The following LMO7 variants were observed in gnomAD, a reference collection of about 807,000 sequenced individuals.
LMO7 encodes the protein LIM domain 7, also known as LIM domain only protein 7.
In LMO7, 120 loss-of-function variants were observed where a neutral mutation model predicts 206.5. The observed-to-expected ratio is 0.58, with a 90% CI of 0.50 to 0.68. LMO7 has a LOEUF of 0.68. LMO7 is among the 30% of genes least tolerant of loss of function. The pLI is 0.00. For missense variants in LMO7, 1,959 were observed against 1,957.9 expected (o/e 1.00, Z -0.01); for synonymous variants, 706 against 681.5 (o/e 1.04, Z -0.56).
chr13:75,636,260 G>A (rs1397605019), upstream of LMO7: 1 of 1,029,904 alleles, frequency 9.7e-7, no homozygotes, highest in Non-Finnish European at 1.2e-6. Flanking sequence ...GGCCCCGGGA[G>A]GGCGGTGGGG....
At chr13:75,784,176 C>T (rs192068598) in intron 4 of LMO7, among the ~76,000 whole-genome samples, 33 of 152,160 alleles carry the variant, frequency 2.2e-4, no homozygotes, top group Middle Eastern at 6.8e-3. Context: ...AGTTTCCCCC[C>T]GAAGCAGAGA....
intron 16 of LMO7, among the ~76,000 whole-genome samples, chr13:75,833,703 T>C (rs1243678515): frequency 6.6e-6 from 1 of 152,116 alleles, no homozygotes; most frequent in Non-Finnish European, 1.5e-5. Flanking sequence ...GTTCCTTTAT[T>C]TTTACTTTTA....
At chr13:75,773,142 A>G (rs191691270) in intron 4 of LMO7, among the ~76,000 whole-genome samples, 2 of 152,246 alleles carry the variant, frequency 1.3e-5, no homozygotes, top group African/African-American at 4.8e-5. Context: ...CAAATCAAAC[A>G]TTTCACAGAG....
chr13:75,749,103 CAGTG>C (rs2047083537), intron 3 of LMO7, among the ~76,000 whole-genome samples: 1 of 152,114 alleles, frequency 6.6e-6, no homozygotes. Flanking sequence ...CCTCATAAAA[CAGTG>C]AGTCCCTGGG....
intron 8 of LMO7, chr13:75,805,006 T>C: frequency 1.0e-6 from 1 of 999,902 alleles, no homozygotes; most frequent in Non-Finnish European, 1.2e-6. Context: ...TTTCCTGACA[T>C]AGTTTTGGAT....
At chr13:75,708,927 C>T (rs568296224) in intron 1 of LMO7, among the ~76,000 whole-genome samples, 6 of 152,200 alleles carry the variant, frequency 3.9e-5, no homozygotes, top group African/African-American at 1.4e-4. Context: ...AGGTATATCT[C>T]CTAATGCTAT....
At chr13:75,653,124 A>G (rs2037739736) in intron 1 of LMO7, among the ~76,000 whole-genome samples, 1 of 152,204 alleles carries the variant, frequency 6.6e-6, no homozygotes, top group South Asian at 2.1e-4. Flanking sequence ...TGTAATAGAT[A>G]TTCAGTAAAA....
intron 11 of LMO7, among the ~76,000 whole-genome samples, chr13:75,813,922 C>T (rs2056718073): frequency 6.6e-6 from 1 of 152,184 alleles, no homozygotes; most frequent in South Asian, 2.1e-4. Flanking sequence ...AGATACCCCT[C>T]ATACCTGGTT....
At chr13:75,672,349 C>T (rs1365417645) in intron 1 of LMO7, among the ~76,000 whole-genome samples, 1 of 150,706 alleles carries the variant, frequency 6.6e-6, no homozygotes, top group Admixed American at 6.7e-5. Flanking sequence ...TCAAGCAATT[C>T]TTCTGCCTCA....
At chr13:75,737,762 A>AAAG (rs1566372012) in intron 3 of LMO7, among the ~76,000 whole-genome samples, 1 of 43,672 alleles carries the variant, frequency 2.3e-5, no homozygotes, top group Non-Finnish European at 4.2e-5. Flanking sequence ...CAAAAAAAAA[A>AAAG]AAAATAAAAT....
chr13:75,714,700 T>C (rs2043382380), intron 2 of LMO7, among the ~76,000 whole-genome samples: 2 of 152,198 alleles, frequency 1.3e-5, no homozygotes, highest in South Asian at 4.1e-4. Flanking sequence ...AGTCAAATAG[T>C]GTTTAAGCTA....
intron 1 of LMO7, among the ~76,000 whole-genome samples, chr13:75,673,764 A>C (rs2039784137): frequency 6.6e-6 from 1 of 152,228 alleles, no homozygotes; most frequent in Admixed American, 6.5e-5. Flanking sequence ...TCTGATTATG[A>C]AGGAAATAAT....
rs528340442 is a variant in LMO7, at chr13:75,752,527, A to G, written c.211-8405A>G. Among the ~76,000 whole-genome samples, 15 of 152,276 alleles carry G rather than the reference A, an allele frequency of 9.9e-5. No homozygotes were observed. In the South Asian group the frequency reaches 2.7e-3, roughly 27 times the overall value. On this transcript the variant is annotated intron_variant, in intron 3 of 30. Transcript: ENST00000377534. The stretch of plus-strand genomic sequence containing the variant: ...GTGGTGAAGTAGGGGCCTTCAGTGC[A>G]TTCATCACTGGAACATTGCACATTG...
At chr13:75,718,689 T>G (rs2043763350) in intron 2 of LMO7, among the ~76,000 whole-genome samples, 1 of 152,128 alleles carries the variant, frequency 6.6e-6, no homozygotes, top group South Asian at 2.1e-4. Context: ...ATTCTTGGTG[T>G]TGTACGTTGT....
At chr13:75,852,938 ACAT>A (rs2139660616) in intron 27 of LMO7, among the ~76,000 whole-genome samples, 151 bp from the exon 28 acceptor site, 1 of 152,324 alleles carries the variant, frequency 6.6e-6, no homozygotes, top group East Asian at 1.9e-4. Flanking sequence ...CCATCATCAT[ACAT>A]CAAGGAACAT....
chr13:75,839,776 G>A, intron 20 of LMO7: 1 of 229,198 alleles, frequency 4.4e-6, no homozygotes, highest in Non-Finnish European at 8.2e-6. Flanking sequence ...ATGCTGCCCA[G>A]TTTATTAATA....
chr13:75,803,362 C>T (rs2055026405), intron 7 of LMO7, among the ~76,000 whole-genome samples: 1 of 152,182 alleles, frequency 6.6e-6, no homozygotes, highest in African/African-American at 2.4e-5. Flanking sequence ...AGCTGTCAGG[C>T]ACTGTGCACA....
At chr13:75,761,352 G>A (rs182938194) in intron 4 of LMO7, among the ~76,000 whole-genome samples, 12 of 152,244 alleles carry the variant, frequency 7.9e-5, no homozygotes, top group African/African-American at 2.9e-4. Flanking sequence ...CTCATAAAGT[G>A]AATTTAGGGG....
chr13:75,817,407 A>G (rs1431131244), intron 12 of LMO7, 129 bp downstream of exon 12: 2 of 535,970 alleles, frequency 3.7e-6, no homozygotes, highest in Non-Finnish European at 6.5e-6. Flanking sequence ...AAATGTGACC[A>G]ACTTTCTTTA....
Sources: gnomAD v4.1 joint callset for allele counts (sites outside exome capture counted in the v4.1 genomes callset) on GRCh38, gnomAD v4.1.1 for gene constraint, MANE v1.5 for transcripts, NCBI Gene and HGNC (gene_info 2026-07-23, HGNC 2026-07-21) for gene names.